The following B4GALT6 variants were observed in gnomAD, a reference collection of about 807,000 sequenced individuals.
B4GALT6 encodes beta-1,4-galactosyltransferase 6, also known as UDP-Gal:beta-GlcNAc beta-1,4-galactosyltransferase 6.
Under a neutral mutation model 46.3 loss-of-function variants are expected in B4GALT6, and 14 were observed. The ratio of observed to expected loss-of-function variants is 0.30; its 90% CI spans 0.20 to 0.47. The LOEUF (loss-of-function observed/expected upper bound fraction) is 0.47. B4GALT6 is among the 20% of genes least tolerant of loss of function. The pLI, the probability that B4GALT6 is intolerant of heterozygous loss-of-function variation, is 0.99. For missense variants in B4GALT6, 386 were observed against 480.1 expected (o/e 0.80, Z 1.83); for synonymous variants, 168 against 162.0 (o/e 1.04, Z -0.28).
At chr18:31,647,926 T>C (rs570838107) in intron 3 of B4GALT6, among the ~76,000 whole-genome samples, 1 of 152,300 alleles carries the variant, frequency 6.6e-6, no homozygotes, top group South Asian at 2.1e-4. Context: ...CTTTCATCTC[T>C]TTCGCGTACT....
chr18:31,651,133 T>A (rs994399264), intron 3 of B4GALT6, among the ~76,000 whole-genome samples: 2 of 152,046 alleles, frequency 1.3e-5, no homozygotes, highest in Admixed American at 6.5e-5. Context: ...CTCTATGACC[T>A]TCACCCGATC....
At position 31,666,358 on chromosome 18, in the gene B4GALT6, A is replaced by G. The variant is rs1287873236; in HGVS notation, c.130T>C (p.Phe44Leu). 21 of 1,591,670 alleles carry G rather than the reference A, an allele frequency of 1.3e-5. No homozygotes were observed. Among genetic ancestry groups the G allele is most frequent in the Non-Finnish European group, 1.6e-5 (19 of 1,163,954 alleles). Reference protein sequence around the residue: ...VAPGIANTYLFMVQARGIMLR... With the variant: ...VAPGIANTYLLMVQARGIMLR... ...ATTATACCTCGAGCTTGTACCATAA[A>G]GAGATATGTGTTGGCTATAAAAGAA... is the stretch of plus-strand genomic sequence containing the variant. Residue 44 changes from phenylalanine to leucine, a missense_variant, in exon 2 of 9, where the codon TTT becomes CTT. Phe to Leu is a conservative substitution (Grantham distance 22). Transcript: ENST00000306851.
At chr18:31,651,767 CTCT>C (rs1179916592) in intron 3 of B4GALT6, among the ~76,000 whole-genome samples, 1 of 151,984 alleles carries the variant, frequency 6.6e-6, no homozygotes, top group Non-Finnish European at 1.5e-5. Context: ...CAGTTCTCTT[CTCT>C]TCATCTTTTT....
intron 1 of B4GALT6, among the ~76,000 whole-genome samples, chr18:31,674,330 G>C (rs370413734): frequency 6.6e-6 from 1 of 152,152 alleles, no homozygotes; most frequent in African/African-American, 2.4e-5. Flanking sequence ...AGAGGAGAGG[G>C]AGAGACAAGG....
At chr18:31,664,622 T>C (rs1426512700) in intron 2 of B4GALT6, among the ~76,000 whole-genome samples, 2 of 151,630 alleles carry the variant, frequency 1.3e-5, no homozygotes, top group Non-Finnish European at 2.9e-5. Context: ...TCCACACATA[T>C]ACCTTATTCA....
rs768894782 is a variant in B4GALT6 at position 31,658,107 on chromosome 18, G to C, written c.233-18C>G. 2.2e-6 allele frequency: 3 copies of C among 1,373,348 alleles called. No individual in the cohort carries two copies. The highest frequency in any genetic ancestry group is 1.7e-5 in the African/African-American group (1 of 57,798). The allele number at this position is 1,373,348 out of a possible 1,614,324, so 85.1% of individuals were successfully genotyped here. ...GGGATAATCTTGGAAAGAGAGAAAA[G>C]AGTTACAAAAAAAAAAAAAAGGCCT... On this transcript the variant is annotated intron_variant, in intron 2 of 8. Coordinates refer to ENST00000306851, the MANE Select transcript of B4GALT6 (RefSeq NM_004775.5).
chr18:31,632,936 T>C (rs867617510), intron 5 of B4GALT6, among the ~76,000 whole-genome samples: 1 of 152,160 alleles, frequency 6.6e-6, no homozygotes, highest in South Asian at 2.1e-4. Context: ...AGACCATGTG[T>C]GCATATCACC....
the B4GALT6 span, among the ~76,000 whole-genome samples, chr18:31,716,691 T>C: frequency 2.6e-5 from 4 of 152,156 alleles, no homozygotes; most frequent in African/African-American, 9.7e-5. Flanking sequence ...CTGGAACTCA[T>C]CTCCATAAGC....
chr18:31,677,115 A>G (rs2074423200), intron 1 of B4GALT6, among the ~76,000 whole-genome samples: 1 of 152,244 alleles, frequency 6.6e-6, no homozygotes. Flanking sequence ...GACTTTCACT[A>G]ATTCAAGTAA....
upstream of B4GALT6, chr18:31,684,708 G>C: frequency 8.6e-7 from 1 of 1,159,088 alleles, no homozygotes; most frequent in Non-Finnish European, 1.1e-6. Flanking sequence ...GGGACGGCAG[G>C]ACGGAAGAAA....
At chr18:31,664,461 T>A (rs1054225101) in intron 2 of B4GALT6, among the ~76,000 whole-genome samples, 5 of 152,078 alleles carry the variant, frequency 3.3e-5, no homozygotes, top group African/African-American at 4.8e-5. Context: ...CAAACTTTAA[T>A]CTAAGTATGC....
At chr18:31,630,882 C>G in intron 6 of B4GALT6, 77 bp downstream of exon 6, 1 of 1,477,734 alleles carries the variant, frequency 6.8e-7, no homozygotes, top group Non-Finnish European at 9.4e-7. Flanking sequence ...GATTTAGGGA[C>G]ATAACGCTGC....
At chr18:31,724,472 G>T in the B4GALT6 span, 1 of 1,013,042 alleles carries the variant, frequency 9.9e-7, no homozygotes, top group Non-Finnish European at 1.2e-6. Flanking sequence ...CCCCCGGGCA[G>T]ACCCGGGAGA....
chr18:31,666,267 A>G lies in B4GALT6; in HGVS notation c.221T>C (p.Leu74Pro). The change falls in exon 2 of 9, where the codon CTC (leucine) becomes CCC (proline). Residue 74 changes from leucine (L) to proline (P), a missense_variant. Physicochemically the swap from Leu to Pro is moderately conservative, Grantham distance 98 (BLOSUM62 -3). Around this residue, in one of 2 missense-constraint regions of B4GALT6, gnomAD observed 323 missense variants for 438.9 expected, o/e 0.74. Coordinates refer to ENST00000306851, the MANE Select transcript of B4GALT6 (RefSeq NM_004775.5). The stretch of plus-strand genomic sequence containing the variant: ...GGAAGTAGTCTTACCTGTACCGTTG[A>G]GCGTACTGTTTTTATTTGTGTACAG... ...IRLYTNKNST[L>P]NGTDYPEGNN... is the part of the protein sequence containing the mutation. 3 of 1,590,774 alleles carry G rather than the reference A, an allele frequency of 1.9e-6. No homozygotes were observed. The highest frequency in any genetic ancestry group is 2.6e-6 in the Non-Finnish European group (3 of 1,164,314).
At chr18:31,724,638 A>T in the B4GALT6 span, 2 of 1,040,326 alleles carry the variant, frequency 1.9e-6, no homozygotes, top group African/African-American at 3.4e-5. Flanking sequence ...GCACACTGGG[A>T]TCTGAATGAC....
At chr18:31,721,852 CTCTT>C in the B4GALT6 span, among the ~76,000 whole-genome samples, 1 of 151,350 alleles carries the variant, frequency 6.6e-6, no homozygotes. Context: ...TAAGCCAATT[CTCTT>C]TCTTTCTCTC....
the B4GALT6 span, chr18:31,724,270 G>T: frequency 5.1e-6 from 2 of 388,708 alleles, no homozygotes; most frequent in Non-Finnish European, 9.1e-6. Flanking sequence ...GTCTTGTCCC[G>T]GCTGCGTCTC....
chr18:31,676,569 C>T (rs1193218383), intron 1 of B4GALT6, among the ~76,000 whole-genome samples: 1 of 152,088 alleles, frequency 6.6e-6, no homozygotes, highest in Non-Finnish European at 1.5e-5. Context: ...ATAATGTATC[C>T]GTCCATTTCT....
intron 3 of B4GALT6, among the ~76,000 whole-genome samples, chr18:31,646,124 A>T (rs2073987833): frequency 3.3e-5 from 5 of 152,252 alleles, no homozygotes; most frequent in Admixed American, 3.3e-4. Context: ...ACATTTCTTA[A>T]GAGAGGGAAT....
Sources: gnomAD v4.1 joint callset for allele counts (sites outside exome capture counted in the v4.1 genomes callset) on GRCh38, gnomAD v4.1.1 for gene constraint, gnomAD v4.1.1 regional missense constraint, MANE v1.5 for transcripts, NCBI Gene and HGNC (gene_info 2026-07-23, HGNC 2026-07-21) for gene names.